Variants in CTRB1 observed in about 807,000 individuals in gnomAD.
CTRB1 encodes chymotrypsinogen B1.
CTRB1 carries 15 observed loss-of-function variants against 20.4 expected under a neutral mutation model. The ratio of observed to expected loss-of-function variants is 0.74; its 90% CI spans 0.49 to 1.13. The LOEUF (loss-of-function observed/expected upper bound fraction) is 1.13, where lower values mean the gene tolerates loss of function less well. Ranked by LOEUF, CTRB1 falls within the 50% of genes most tolerant of loss-of-function variation. CTRB1 has a pLI of 0.00. For synonymous variants in CTRB1, 92 were observed against 128.4 expected (o/e 0.72, Z 1.92); for missense variants, 227 against 290.1 (o/e 0.78, Z 1.58).
intron 1 of CTRB1, 93 bp downstream of exon 1, chr16:75,219,152 C>T (rs558931262): frequency 1.4e-5 from 19 of 1,336,856 alleles, no homozygotes; most frequent in Non-Finnish European, 2.0e-5. Flanking sequence ...CCTGGGGCCT[C>T]ATCCCCAGCA....
At chr16:75,224,377 C>G (rs936380656) in intron 6 of CTRB1, among the ~76,000 whole-genome samples, 189 bp downstream of exon 6, 3 of 152,204 alleles carry the variant, frequency 2.0e-5, no homozygotes, top group Non-Finnish European at 2.9e-5. Context: ...CAATCTGGAC[C>G]GTGGATCCCA....
chr16:75,222,496 G>T, intron 1 of CTRB1: 1 of 532,492 alleles, frequency 1.9e-6, no homozygotes, highest in South Asian at 2.8e-5. Context: ...CTTACAGCCC[G>T]GCCTGTTTTC....
At chr16:75,220,974 T>G (rs2039074981) in intron 1 of CTRB1, among the ~76,000 whole-genome samples, 1 of 152,174 alleles carries the variant, frequency 6.6e-6, no homozygotes, top group African/African-American at 2.4e-5. Flanking sequence ...GCCAGGCTGG[T>G]CTTGAACTCC....
At chr16:75,220,754 CTTATT>C (rs1211463088) in intron 1 of CTRB1, among the ~76,000 whole-genome samples, 1 of 151,246 alleles carries the variant, frequency 6.6e-6, no homozygotes, top group Non-Finnish European at 1.5e-5. Context: ...ATCTAGTTCT[CTTATT>C]TATTTATTTA....
At chr16:75,219,209 A>G (rs1456243629) in intron 1 of CTRB1, 150 bp downstream of exon 1, 1 of 744,216 alleles carries the variant, frequency 1.3e-6, no homozygotes, top group African/African-American at 1.8e-5. Context: ...GGGCTTTCTG[A>G]GCCCACACAA....
intron 6 of CTRB1, 46 bp downstream of exon 6, chr16:75,224,234 G>C: frequency 6.7e-7 from 1 of 1,481,668 alleles, no homozygotes; most frequent in South Asian, 1.3e-5. Flanking sequence ...GCGGGGTGCA[G>C]GGGAGGTCTG....
At chr16:75,219,483 C>T (rs1401403873) in intron 1 of CTRB1, among the ~76,000 whole-genome samples, 2 of 151,972 alleles carry the variant, frequency 1.3e-5, no homozygotes, top group African/African-American at 4.8e-5. Flanking sequence ...CCTCCATCTC[C>T]TGGGTTCAAA....
intron 6 of CTRB1, among the ~76,000 whole-genome samples, chr16:75,224,427 G>A (rs374803898): frequency 2.4e-4 from 36 of 152,244 alleles, no homozygotes; most frequent in African/African-American, 6.0e-4. Flanking sequence ...TCCCTCACAC[G>A]GACCCCTTGG....
At position 75,220,182 on chromosome 16, in the gene CTRB1, A is replaced by ATT. The variant is rs80038049; in HGVS notation, c.52+1131_52+1132dup. ...TGTAGAGATGGAGGTTTTTTTTGTTATTTTTTTTTCTTTTCTTTGAGACAG... is the reference window on the plus strand; with the variant it reads ...TGTAGAGATGGAGGTTTTTTTTGTTATTTTTTTTTTTCTTTTCTTTGAGACAG... On this transcript the variant is annotated intron_variant, in intron 1 of 6. Transcript: ENST00000361017. Among the ~76,000 whole-genome samples, 525 of 141,932 alleles carry ATT rather than the reference A, an allele frequency of 3.7e-3. 24 individuals are homozygous for ATT. In the East Asian group the frequency reaches 0.094, roughly 25 times the overall value. 93.1% of individuals were successfully genotyped at this position (141,932 alleles called of 152,430 possible). A position where few individuals can be genotyped will look rare whatever the true frequency, so the allele number is the denominator to read the frequency against.
At chr16:75,224,667 G>A (rs559852260) in intron 6 of CTRB1, 38 bp from the exon 7 acceptor site, 30 of 1,580,452 alleles carry the variant, frequency 1.9e-5, no homozygotes, top group African/African-American at 5.4e-5. Flanking sequence ...AGTCTGTCTC[G>A]GCTGCCAGAT....
chr16:75,220,395 G>T (rs370087159), intron 1 of CTRB1, among the ~76,000 whole-genome samples: 2 of 152,142 alleles, frequency 1.3e-5, no homozygotes, highest in Admixed American at 1.3e-4. Context: ...TATTGGTCAG[G>T]CTGGTCTTGA....
chr16:75,220,045 G>A (rs1227779016), intron 1 of CTRB1, among the ~76,000 whole-genome samples: 1 of 152,234 alleles, frequency 6.6e-6, no homozygotes, highest in Non-Finnish European at 1.5e-5. Flanking sequence ...AGGCTGGAGT[G>A]CAGTAGTGTG....
chr16:75,224,254 C>T (rs1234984279), intron 6 of CTRB1, 66 bp downstream of exon 6: 1 of 1,522,538 alleles, frequency 6.6e-7, no homozygotes, highest in African/African-American at 1.4e-5. Flanking sequence ...GGGCTTTCCA[C>T]CCCTCTCTGC....
rs8061550 is a variant in CTRB1 at position 75,224,738 on chromosome 16, G to C, written c.664G>C (p.Asp222His). The C allele has an allele frequency of 6.0e-3, 9,623 of 1,613,334 alleles. 384 individuals carry two copies. The African/African-American group carries it at 0.097, about 16-fold the overall frequency. ...TGGCGGCCCCCTGGTCTGCCAAAAG[G>C]ATGGAGCCTGGACCCTGGTGGGCAT... ...DSGGPLVCQK[D>H]GAWTLVGIVS... The change falls in exon 7 of 7, where the codon GAT becomes CAT. Residue 222 changes from aspartate (D) to histidine (H), a missense_variant. By Grantham distance (81) the Asp-to-His change is moderately conservative (BLOSUM62 -1). Around this residue, in one of 4 missense-constraint regions of CTRB1, gnomAD observed 108 missense variants for 76.9 expected, o/e 1.41. Transcript: ENST00000361017.
rs369201413 is a variant in CTRB1, at chr16:75,222,788, C to A, written c.73C>A (p.His25Asn). 110 of 1,555,640 alleles carry A rather than the reference C, an allele frequency of 7.1e-5. 1 individual carries two copies. Among genetic ancestry groups the A allele is most frequent in the Admixed American group, 4.9e-4 (25 of 51,404 alleles). Residue 25 changes from histidine to asparagine, a missense_variant, in exon 2 of 7, where the codon CAC (histidine) becomes AAC (asparagine). Coordinates refer to ENST00000361017, the MANE Select transcript of CTRB1 (RefSeq NM_001906.6). ...CCCAGGCTGCGGGGTCCCCGCCATC[C>A]ACCCTGTGCTCAGCGGCCTGTCCAG... Reference protein sequence around the residue: ...AAFGCGVPAIHPVLSGLSRIV... With the variant: ...AAFGCGVPAINPVLSGLSRIV...
At chr16:75,222,497 G>A (rs945331161) in intron 1 of CTRB1, 6 of 536,316 alleles carry the variant, frequency 1.1e-5, no homozygotes, top group Non-Finnish European at 9.9e-6. Flanking sequence ...TTACAGCCCG[G>A]CCTGTTTTCT....
At chr16:75,219,472 A>T (rs7184411) in intron 1 of CTRB1, among the ~76,000 whole-genome samples, 8 of 150,736 alleles carry the variant, frequency 5.3e-5, no homozygotes, top group Non-Finnish European at 7.4e-5. Flanking sequence ...ACTTACTGCA[A>T]CCTCCATCTC....
At chr16:75,224,350 T>TG (rs925064857) in intron 6 of CTRB1, among the ~76,000 whole-genome samples, 162 bp downstream of exon 6, 1 of 152,202 alleles carries the variant, frequency 6.6e-6, no homozygotes, top group African/African-American at 2.4e-5. Context: ...CAATGGCTCT[T>TG]GGAGTTGTGC....
intron 1 of CTRB1, among the ~76,000 whole-genome samples, chr16:75,221,242 C>A (rs927288124): frequency 6.6e-6 from 1 of 152,216 alleles, no homozygotes; most frequent in Non-Finnish European, 1.5e-5. Context: ...AGTCGAGAAT[C>A]TGGTCCTGAC....
Sources: gnomAD v4.1 joint callset for allele counts (sites outside exome capture counted in the v4.1 genomes callset) on GRCh38, gnomAD v4.1.1 for gene constraint, gnomAD v4.1.1 regional missense constraint, MANE v1.5 for transcripts, NCBI Gene and HGNC (gene_info 2026-07-23, HGNC 2026-07-21) for gene names.